EML4: variants seen among roughly 807,000 people sequenced by gnomAD.
EML4 encodes the protein EMAP like 4.
EML4 carries 72 observed loss-of-function variants against 129.0 expected under a neutral mutation model. The observed-to-expected ratio is 0.56, with a 90% CI of 0.46 to 0.68. The LOEUF (loss-of-function observed/expected upper bound fraction) is 0.68, where lower values mean the gene tolerates loss of function less well. Among genes scored for constraint, EML4 ranks in the 30% least tolerant of loss-of-function variants. EML4 has a pLI of 0.00. For synonymous variants in EML4, 532 were observed against 405.0 expected, an observed-to-expected ratio of 1.31 and a Z score of -3.77; for missense variants, 1,363 against 1,190.6, an observed-to-expected ratio of 1.14 and a Z score of -2.13.
Position 42,303,325 on chromosome 2 carries a change from A to T in EML4, c.1778A>T (p.Asp593Val). ...GTCTTTCATTTTCAGGGTCATACAG[A>T]TGAGCTTTGGGGTCTTGCCACACAT... ...GFQIEVQGHTDELWGLATHPF... is the reference protein window; with the variant it reads ...GFQIEVQGHTVELWGLATHPF... The change falls in exon 16 of 23, where the codon GAT becomes GTT. Residue 593 changes from aspartate to valine, a missense_variant. Transcript: ENST00000318522. The T allele has an allele frequency of 6.2e-7, 1 of 1,614,124 alleles. No homozygotes were observed. Among genetic ancestry groups the T allele is most frequent in the Non-Finnish European group, 8.5e-7 (1 of 1,180,010 alleles).
At chr2:42,321,227 C>CA (rs1339775763) in intron 19 of EML4, among the ~76,000 whole-genome samples, 1 of 151,782 alleles carries the variant, frequency 6.6e-6, no homozygotes, top group Non-Finnish European at 1.5e-5. Context: ...ACTAAAAATA[C>CA]AAAAAATTAG....
intron 14 of EML4, among the ~76,000 whole-genome samples, chr2:42,302,049 A>C (rs761172709): frequency 1.3e-5 from 2 of 152,122 alleles, no homozygotes; most frequent in Non-Finnish European, 2.9e-5. Context: ...CCATTATTTC[A>C]GAATCATTCT....
chr2:42,190,078 G>C (rs1671498873), intron 1 of EML4, among the ~76,000 whole-genome samples: 1 of 152,000 alleles, frequency 6.6e-6, no homozygotes, highest in Admixed American at 6.5e-5. Flanking sequence ...ATGCAGGGAA[G>C]AGGCAAGATT....
chr2:42,232,898 T>C (rs1363545796), intron 1 of EML4, among the ~76,000 whole-genome samples: 1 of 152,002 alleles, frequency 6.6e-6, no homozygotes, highest in Non-Finnish European at 1.5e-5. Flanking sequence ...CTAATTTTTT[T>C]TATTTTTTAG....
intron 20 of EML4, among the ~76,000 whole-genome samples, chr2:42,325,844 A>G (rs1167450734): frequency 6.6e-6 from 1 of 151,494 alleles, no homozygotes; most frequent in Non-Finnish European, 1.5e-5. Flanking sequence ...GTAATAAGAA[A>G]TTACTCTGTC....
chr2:42,207,386 A>G (rs912495421), intron 1 of EML4, among the ~76,000 whole-genome samples: 4 of 152,190 alleles, frequency 2.6e-5, no homozygotes, highest in African/African-American at 9.6e-5. Flanking sequence ...GGAGTGTCTT[A>G]GGGTTGTTTG....
chr2:42,320,246 T>C (rs1669451532), intron 19 of EML4, among the ~76,000 whole-genome samples: 3 of 151,844 alleles, frequency 2.0e-5, no homozygotes, highest in Admixed American at 2.0e-4. Context: ...CCCAGCACTT[T>C]GGGAGGCCAA....
chr2:42,190,837 A>C (rs773352160), intron 1 of EML4, among the ~76,000 whole-genome samples: 1 of 152,250 alleles, frequency 6.6e-6, no homozygotes, highest in Admixed American at 6.5e-5. Context: ...ATTTATGGAC[A>C]CTGAAATTTG....
intron 1 of EML4, among the ~76,000 whole-genome samples, chr2:42,177,987 A>G (rs553322862): frequency 1.2e-4 from 19 of 152,312 alleles, no homozygotes; most frequent in Admixed American, 1.1e-3. Context: ...GCTAATCCCT[A>G]TCTTTGAGAG....
At chr2:42,234,446 A>T (rs1000738746) in intron 1 of EML4, among the ~76,000 whole-genome samples, 1 of 152,184 alleles carries the variant, frequency 6.6e-6, no homozygotes, top group Non-Finnish European at 1.5e-5. Context: ...CTCTACCCTT[A>T]AGAATTTCTG....
intron 3 of EML4, among the ~76,000 whole-genome samples, chr2:42,256,976 C>T (rs1470169567): frequency 2.0e-5 from 3 of 152,314 alleles, no homozygotes; most frequent in Non-Finnish European, 4.4e-5. Context: ...ATATTTGATA[C>T]AGCATTTTTA....
intron 1 of EML4, among the ~76,000 whole-genome samples, chr2:42,185,085 T>G (rs1026481120): frequency 2.6e-5 from 4 of 152,186 alleles, no homozygotes; most frequent in Admixed American, 6.5e-5. Flanking sequence ...CGGAATAATA[T>G]AATACCTGAG....
chr2:42,170,537 G>A (rs1182162252), intron 1 of EML4, among the ~76,000 whole-genome samples: 1 of 152,182 alleles, frequency 6.6e-6, no homozygotes, highest in African/African-American at 2.4e-5. Context: ...ACCAGATGAA[G>A]GTAATCTTCT....
intron 3 of EML4, among the ~76,000 whole-genome samples, chr2:42,259,722 CTTTTTTTTTTTT>C (rs780243101): frequency 4.1e-5 from 4 of 98,346 alleles, no homozygotes; most frequent in Non-Finnish European, 7.7e-5. Context: ...TTCTTTCTTT[CTTTTTTTTTTTT>C]TTTTTTTTTT....
chr2:42,316,323 C>T (rs753343446), intron 18 of EML4, among the ~76,000 whole-genome samples: 4 of 152,080 alleles, frequency 2.6e-5, no homozygotes, highest in Admixed American at 6.6e-5. Context: ...CCCCTTTTTC[C>T]GGAACTACAC....
chr2:42,193,859 T>C (rs1236170601), intron 1 of EML4, among the ~76,000 whole-genome samples: 1 of 152,038 alleles, frequency 6.6e-6, no homozygotes, highest in Non-Finnish European at 1.5e-5. Context: ...CTAGTATCTT[T>C]ATGTTTTGTA....
chr2:42,169,759 T>G, intron 1 of EML4, 123 bp downstream of exon 1: 4 of 1,110,314 alleles, frequency 3.6e-6, no homozygotes, highest in Non-Finnish European at 3.7e-6. Context: ...ACTGCACATG[T>G]TCCCTTCGAG....
At chr2:42,326,068 A>C (rs1356306523) in intron 20 of EML4, 86 bp from the exon 21 acceptor site, 78 of 1,532,704 alleles carry the variant, frequency 5.1e-5, no homozygotes, top group Non-Finnish European at 6.7e-5. Context: ...AATACAAGTA[A>C]ACGTGGCTAG....
chr2:42,302,222 A>G (rs1177144922), intron 14 of EML4, among the ~76,000 whole-genome samples: 4 of 152,270 alleles, frequency 2.6e-5, no homozygotes, highest in Middle Eastern at 3.4e-3. Flanking sequence ...TTTAATTGAC[A>G]CATTGTAATT....
Sources: allele counts gnomAD v4.1 joint callset (sites outside exome capture counted in the v4.1 genomes callset), GRCh38; gene constraint gnomAD v4.1.1; transcripts MANE v1.5; gene names NCBI Gene and HGNC (gene_info 2026-07-23, HGNC 2026-07-21).